The following LYPLAL1 variants were observed in gnomAD, a reference collection of about 807,000 sequenced individuals.
LYPLAL1 encodes the protein lysophospholipase like 1.
LYPLAL1 carries 23 observed loss-of-function variants against 19.7 expected under a neutral mutation model. That is an observed-to-expected ratio of 1.17 (90% CI 0.84 to 1.65). LYPLAL1 has a LOEUF of 1.65. Among genes scored for constraint, LYPLAL1 ranks in the 40% most tolerant of loss-of-function variants. The pLI, the probability that LYPLAL1 is intolerant of heterozygous loss-of-function variation, is 0.00. For synonymous variants in LYPLAL1, 119 were observed against 96.3 expected (o/e 1.24, Z -1.38); for missense variants, 355 against 279.4 (o/e 1.27, Z -1.93).
At chr1:219,433,268 C>G in the LYPLAL1 span, among the ~76,000 whole-genome samples, 1 of 152,104 alleles carries the variant, frequency 6.6e-6, no homozygotes, top group Non-Finnish European at 1.5e-5. Flanking sequence ...CTGTCCTGCA[C>G]CAGATGCAAA....
the LYPLAL1 span, among the ~76,000 whole-genome samples, chr1:219,388,046 A>G: frequency 6.6e-6 from 1 of 152,230 alleles, no homozygotes; most frequent in African/African-American, 2.4e-5. Flanking sequence ...TATTATGTCC[A>G]CAGCAAATGT....
At chr1:219,241,108 C>CTG in the LYPLAL1 span, among the ~76,000 whole-genome samples, 2 of 57,056 alleles carry the variant, frequency 3.5e-5, no homozygotes, top group Non-Finnish European at 8.0e-5. Context: ...ATCTCTCTCT[C>CTG]TCTCTCTCTC....
At position 219,212,556 on chromosome 1, in the gene LYPLAL1, A is replaced by G. The variant is rs562636860; in HGVS notation, c.*828A>G. 13 of 152,194 alleles carry G rather than the reference A, an allele frequency of 8.5e-5. No individual in the cohort carries two copies. The highest frequency in any genetic ancestry group is 2.4e-4 in the African/African-American group (10 of 41,562). The allele number at this position is 152,194 out of a possible 1,614,324, so 9.4% of individuals were successfully genotyped here. A position where few individuals can be genotyped will look rare whatever the true frequency, so the allele number is the denominator to read the frequency against. ...AAATACTATAAATAATAACATTTTC[A>G]TATATTAGTTGGTTCTCATGCATAC... On this transcript the variant is annotated 3_prime_UTR_variant, in exon 5 of 5. Coordinates refer to ENST00000366928, the MANE Select transcript of LYPLAL1 (RefSeq NM_138794.5).
chr1:219,361,279 A>G, the LYPLAL1 span, among the ~76,000 whole-genome samples: 1 of 152,198 alleles, frequency 6.6e-6, no homozygotes, highest in East Asian at 1.9e-4. Flanking sequence ...ATTTGAGCAG[A>G]GGTGGGGAAT....
the LYPLAL1 span, among the ~76,000 whole-genome samples, chr1:219,358,054 T>A: frequency 6.6e-6 from 1 of 152,210 alleles, no homozygotes; most frequent in South Asian, 2.1e-4. Context: ...GGTGGAAGTA[T>A]TCTGCGTCAT....
At chr1:219,438,067 C>T in the LYPLAL1 span, among the ~76,000 whole-genome samples, 2 of 152,086 alleles carry the variant, frequency 1.3e-5, no homozygotes, top group African/African-American at 2.4e-5. Context: ...ACACCCAGCC[C>T]TATTTGTCTT....
At chr1:219,259,945 T>A in the LYPLAL1 span, among the ~76,000 whole-genome samples, 1 of 148,780 alleles carries the variant, frequency 6.7e-6, no homozygotes, top group Non-Finnish European at 1.5e-5. Context: ...CCAACACTCA[T>A]AACTTTTGAA....
At chr1:219,306,199 T>A in the LYPLAL1 span, among the ~76,000 whole-genome samples, 1 of 152,224 alleles carries the variant, frequency 6.6e-6, no homozygotes, top group Non-Finnish European at 1.5e-5. Flanking sequence ...TTGGAAATTG[T>A]CTTCAACAAA....
At chr1:219,338,064 A>C in the LYPLAL1 span, among the ~76,000 whole-genome samples, 1 of 151,640 alleles carries the variant, frequency 6.6e-6, no homozygotes. Flanking sequence ...ATGAGGGACC[A>C]CTCCTTCCTC....
At chr1:219,347,150 G>T in the LYPLAL1 span, among the ~76,000 whole-genome samples, 1 of 151,990 alleles carries the variant, frequency 6.6e-6, no homozygotes, top group Admixed American at 6.6e-5. Flanking sequence ...TTTCAAAAAT[G>T]CTCCTTGATT....
rs368575382 is a variant in LYPLAL1, at chr1:219,200,970, C to T, written c.361+7719C>T. Among the ~76,000 whole-genome samples, 6 of 152,288 alleles carry T rather than the reference C, an allele frequency of 3.9e-5. No individual in the cohort carries two copies. The East Asian group carries it at 1.2e-3, about 29-fold the overall frequency. On this transcript the variant is annotated intron_variant, in intron 3 of 4. Coordinates refer to ENST00000366928, the MANE Select transcript of LYPLAL1 (RefSeq NM_138794.5). ...AATCTAACTTTATTTCATTTTAAAGCCAACGATTCTTACATTTAGCTGAAC... is the reference window on the plus strand; with the variant it reads ...AATCTAACTTTATTTCATTTTAAAGTCAACGATTCTTACATTTAGCTGAAC...
chr1:219,257,355 TTTTG>T, the LYPLAL1 span, among the ~76,000 whole-genome samples: 18 of 41,342 alleles, frequency 4.4e-4, no homozygotes, highest in East Asian at 1.7e-3. Context: ...CCATACCAGT[TTTTG>T]TTTTTTTTTT....
At chr1:219,379,377 A>G in the LYPLAL1 span, among the ~76,000 whole-genome samples, 1 of 152,200 alleles carries the variant, frequency 6.6e-6, no homozygotes, top group Admixed American at 6.5e-5. Context: ...CCAGATGTAC[A>G]TTGTCCCAGT....
At chr1:219,226,911 A>G in the LYPLAL1 span, among the ~76,000 whole-genome samples, 1 of 152,216 alleles carries the variant, frequency 6.6e-6, no homozygotes, top group Non-Finnish European at 1.5e-5. Flanking sequence ...TATGTACTTC[A>G]TTAAGTTACT....
chr1:219,344,878 C>A, the LYPLAL1 span, among the ~76,000 whole-genome samples: 1 of 152,122 alleles, frequency 6.6e-6, no homozygotes, highest in African/African-American at 2.4e-5. Context: ...GTACATTAAA[C>A]CTCCCCCAAC....
the LYPLAL1 span, among the ~76,000 whole-genome samples, chr1:219,323,155 G>A: frequency 6.6e-6 from 1 of 152,176 alleles, no homozygotes; most frequent in Non-Finnish European, 1.5e-5. Flanking sequence ...CTGAGATGCA[G>A]CGACATTTGG....
chr1:219,391,884 C>T, the LYPLAL1 span, among the ~76,000 whole-genome samples: 2 of 152,172 alleles, frequency 1.3e-5, no homozygotes, highest in Admixed American at 6.5e-5. Context: ...AACTTCTGCA[C>T]CTCTTTCCTT....
At chr1:219,400,667 G>A in the LYPLAL1 span, among the ~76,000 whole-genome samples, 12 of 151,998 alleles carry the variant, frequency 7.9e-5, no homozygotes, top group Non-Finnish European at 1.8e-4. Flanking sequence ...GCTAATTTTT[G>A]TATTATTAGT....
the LYPLAL1 span, among the ~76,000 whole-genome samples, chr1:219,436,761 T>C: frequency 2.0e-5 from 3 of 152,314 alleles, no homozygotes; most frequent in East Asian, 5.8e-4. Context: ...ATACTTGTTC[T>C]GCATTTGTAT....
Sources: gnomAD v4.1 joint callset for allele counts (sites outside exome capture counted in the v4.1 genomes callset) on GRCh38, gnomAD v4.1.1 for gene constraint, MANE v1.5 for transcripts, NCBI Gene and HGNC (gene_info 2026-07-23, HGNC 2026-07-21) for gene names.